The following SVIL variants were observed in gnomAD, a reference collection of about 807,000 sequenced individuals.
SVIL encodes archvillin.
SVIL carries 101 observed loss-of-function variants against 240.4 expected under a neutral mutation model. That is an observed-to-expected ratio of 0.42 (90% CI 0.36 to 0.50). The LOEUF (loss-of-function observed/expected upper bound fraction) is 0.50, where lower values mean the gene tolerates loss of function less well. Ranked by LOEUF, SVIL falls within the 20% of genes least tolerant of loss-of-function variation. SVIL has a pLI of 0.01. For synonymous variants in SVIL, 999 were observed against 1,100.0 expected (o/e 0.91, Z 1.82); for missense variants, 2,512 against 2,818.7 (o/e 0.89, Z 2.46).
Position 29,535,873 on chromosome 10 carries a change from T to C in SVIL, c.908+116A>G, listed in dbSNP as rs897146826. On this transcript the variant is annotated intron_variant, in intron 7 of 37. Transcript: ENST00000355867. ...TTAGAAAGTAACTTCCACGTGATTT[T>C]CAAGTGCACTGGTATTAAAGAAGGC... 14 of 1,021,854 alleles carry C rather than the reference T, an allele frequency of 1.4e-5. No individual in the cohort carries two copies. In the South Asian group the frequency reaches 1.4e-4, roughly 10 times the overall value. 63.3% of individuals were successfully genotyped at this position (1,021,854 alleles called of 1,614,324 possible). A position where few individuals can be genotyped will look rare whatever the true frequency, so the allele number is the denominator to read the frequency against.
At chr10:29,619,273 T>C (rs1380061165) in intron 1 of SVIL, among the ~76,000 whole-genome samples, 1 of 152,206 alleles carries the variant, frequency 6.6e-6, no homozygotes, top group African/African-American at 2.4e-5. Flanking sequence ...TATTTTCAAA[T>C]GGATTGTGAC....
intron 1 of SVIL, among the ~76,000 whole-genome samples, chr10:29,633,838 C>A (rs1298185506): frequency 1.3e-5 from 2 of 152,068 alleles, no homozygotes; most frequent in African/African-American, 4.8e-5. Flanking sequence ...AAATAAAATG[C>A]AGTTCAAACT....
chr10:29,635,185 T>C (rs1166684464), upstream of SVIL, among the ~76,000 whole-genome samples: 1 of 152,218 alleles, frequency 6.6e-6, no homozygotes, highest in African/African-American at 2.4e-5. Flanking sequence ...GTCTACTGAA[T>C]AAGCTACAAC....
At chr10:29,645,176 T>C (rs1291269900) in intron 3 of SVIL, among the ~76,000 whole-genome samples, 1 of 152,162 alleles carries the variant, frequency 6.6e-6, no homozygotes. Context: ...TTAAGATTCC[T>C]ACAGTGCCAT....
Position 29,735,611 on chromosome 10 carries a change from T to G in SVIL, c.-400+140A>C, listed in dbSNP as rs1964861103. On this transcript the variant is annotated intron_variant, in intron 1 of 35. Transcript: ENST00000375400. The surrounding 1 kb of genome is among the most constrained non-coding windows in gnomAD (Gnocchi z 4.1). ...GGAGGCGCCCCCGTTCCCGCTTCGG[T>G]CCCCGGCAGGGCCTCCCGCAGCCAG... 1 of 150,794 alleles carries G rather than the reference T, an allele frequency of 6.6e-6. No homozygotes were observed. Among genetic ancestry groups the G allele is most frequent in the Non-Finnish European group, 1.5e-5 (1 of 67,688 alleles). 9.3% of individuals were successfully genotyped at this position (150,794 alleles called of 1,614,324 possible). A position where few individuals can be genotyped will look rare whatever the true frequency, so the allele number is the denominator to read the frequency against.
intron 1 of SVIL, among the ~76,000 whole-genome samples, chr10:29,606,560 C>T (rs528553221): frequency 1.9e-4 from 29 of 152,216 alleles, no homozygotes; most frequent in African/African-American, 7.0e-4. Flanking sequence ...CTTCAATATG[C>T]ATTTTAAAAT....
chr10:29,688,435 G>A (rs779259805), intron 1 of SVIL, among the ~76,000 whole-genome samples: 13 of 152,310 alleles, frequency 8.5e-5, no homozygotes, highest in Middle Eastern at 3.4e-3. Flanking sequence ...TTTCTGCCTC[G>A]TTCCCTGCTT....
At chr10:29,506,703 C>CGAGGGAGGGGACAGAGGCCCTAT (rs1949340364) in intron 17 of SVIL, among the ~76,000 whole-genome samples, 1 of 105,020 alleles carries the variant, frequency 9.5e-6, no homozygotes, top group African/African-American at 3.6e-5. Context: ...AGAGGCCCTA[C>CGAGGGAGGGGACAGAGGCCCTAT]GAGGGAGGGG....
chr10:29,531,255 A>G lies in SVIL; in HGVS notation c.2043T>C (p.Asp681=), dbSNP rs2132560803. The G allele has an allele frequency of 6.2e-7, 1 of 1,614,024 alleles. No individual in the cohort carries two copies. The highest frequency in any genetic ancestry group is 2.2e-5 in the East Asian group (1 of 44,882). ...AAAAAAAGGGAAACAGGTACTTGCC[A>G]TCGACAGTTGGCGTTTCTGAATGTG... ...CTSHSETPTV[D]DEEKVDERAK... Residue 681 remains aspartate (D), a splice_region_variant and synonymous_variant, in exon 10 of 38, where the codon GAT becomes GAC. Coordinates refer to ENST00000355867, the MANE Select transcript of SVIL (RefSeq NM_021738.3).
rs192455795 is a variant in SVIL at position 29,597,556 on chromosome 10, C to T, written c.-200-28244G>A. Among the ~76,000 whole-genome samples the T allele has an allele frequency of 7.2e-5, 11 of 152,200 alleles. No individual in the cohort carries two copies. In the East Asian group the frequency reaches 1.9e-3, roughly 27 times the overall value. ...CTGGGATTACAGGTGCCCACCACCA[C>T]GCCTGGCTAATTTTTGTATTTTTAG... is the stretch of plus-strand genomic sequence containing the variant. On this transcript the variant is annotated intron_variant, in intron 1 of 37. Coordinates refer to ENST00000355867, the MANE Select transcript of SVIL (RefSeq NM_021738.3).
intron 1 of SVIL, among the ~76,000 whole-genome samples, chr10:29,697,142 G>A (rs1380458970): frequency 5.6e-5 from 5 of 89,900 alleles, no homozygotes; most frequent in Admixed American, 4.3e-4. Context: ...GGAGGGAGGT[G>A]GGGGGGGTCA....
At chr10:29,684,764 A>T (rs1471880656) in intron 2 of SVIL, among the ~76,000 whole-genome samples, 1 of 152,218 alleles carries the variant, frequency 6.6e-6, no homozygotes, top group African/African-American at 2.4e-5. Flanking sequence ...ATTTCTCCCA[A>T]AAGAAACAGC....
chr10:29,633,520 C>T (rs1958191372), intron 1 of SVIL, among the ~76,000 whole-genome samples: 1 of 151,976 alleles, frequency 6.6e-6, no homozygotes, highest in Non-Finnish European at 1.5e-5. Flanking sequence ...TCAAACGCCC[C>T]CTAGGGTTGC....
chr10:29,490,584 TTAAAA>T (rs1323856739), intron 22 of SVIL, among the ~76,000 whole-genome samples: 107 of 137,706 alleles, frequency 7.8e-4, no homozygotes, highest in Non-Finnish European at 1.2e-3. Flanking sequence ...CCCCCAGTCT[TTAAAA>T]AAAAAAAAAA....
intron 6 of SVIL, among the ~76,000 whole-genome samples, chr10:29,546,968 C>T (rs946655312): frequency 6.6e-6 from 1 of 152,152 alleles, no homozygotes; most frequent in African/African-American, 2.4e-5. Context: ...TACTATTTGT[C>T]TTCACTTGTT....
intron 3 of SVIL, among the ~76,000 whole-genome samples, chr10:29,648,026 T>C (rs1478196066): frequency 5.5e-5 from 6 of 109,720 alleles, no homozygotes; most frequent in Middle Eastern, 6.2e-3. Context: ...AAAGAGAGAA[T>C]GATAAGATGA....
chr10:29,486,458 C>T lies in SVIL; in HGVS notation c.4585G>A (p.Ala1529Thr), dbSNP rs1186016265. The T allele has an allele frequency of 3.7e-6, 6 of 1,614,078 alleles. No homozygotes were observed. The highest frequency in any genetic ancestry group is 4.2e-6 in the Non-Finnish European group (5 of 1,180,054). Residue 1529 changes from alanine (A) to threonine (T), a missense_variant, in exon 25 of 38, where the codon GCA becomes ACA. Physicochemically the swap from Ala to Thr is moderately conservative, Grantham distance 58. This residue lies in a region of SVIL where 797 missense variants were observed against 925.3 expected (regional missense o/e 0.86). Transcript: ENST00000355867. ...IEEGINTHTH[A>T]AKDFWKLLGG... Reference sequence around the variant, plus strand: ...AGAAGCTTCCAGAAGTCTTTGGCTGCATGAGTGTGTGTATTAATTCCTTCT... The same window carrying T: ...AGAAGCTTCCAGAAGTCTTTGGCTGTATGAGTGTGTGTATTAATTCCTTCT...
chr10:29,612,930 C>T (rs772853885), intron 1 of SVIL, among the ~76,000 whole-genome samples: 9 of 152,036 alleles, frequency 5.9e-5, no homozygotes, highest in South Asian at 2.1e-4. Context: ...GTAATCCCAG[C>T]GCTTTGGGAG....
chr10:29,507,926 T>C (rs1198027966), intron 17 of SVIL: 18 of 285,466 alleles, frequency 6.3e-5, no homozygotes, highest in Non-Finnish European at 8.8e-5. Context: ...TAACAGAATG[T>C]TAATTTACTC....
Sources: gnomAD v4.1 joint callset for allele counts (sites outside exome capture counted in the v4.1 genomes callset) on GRCh38, gnomAD v4.1.1 for gene constraint, gnomAD v4.1.1 regional missense constraint, Gnocchi (gnomAD v3.1) non-coding constraint, MANE v1.5 for transcripts, NCBI Gene and HGNC (gene_info 2026-07-23, HGNC 2026-07-21) for gene names.